Variants in LOXL2 observed in about 807,000 individuals in gnomAD.
LOXL2 encodes the protein lysyl oxidase homolog 2.
In LOXL2, 70 loss-of-function variants were observed where a neutral mutation model predicts 93.0. The ratio of observed to expected loss-of-function variants is 0.75; its 90% CI spans 0.62 to 0.92. The LOEUF (loss-of-function observed/expected upper bound fraction) is 0.92, where lower values mean the gene tolerates loss of function less well. Ranked by LOEUF, LOXL2 falls within the 40% of genes least tolerant of loss-of-function variation. LOXL2 has a pLI of 0.00. For missense variants in LOXL2, 973 were observed against 1,054.9 expected (o/e 0.92, Z 1.08); for synonymous variants, 438 against 413.2 (o/e 1.06, Z -0.73).
intron 1 of LOXL2, among the ~76,000 whole-genome samples, chr8:23,375,410 G>T (rs1804571587): frequency 6.6e-6 from 1 of 152,096 alleles, no homozygotes; most frequent in Non-Finnish European, 1.5e-5. Context: ...TTTGGCTTAG[G>T]ATTGACTTGG....
chr8:23,317,719 C>T (rs1180137730), intron 8 of LOXL2, among the ~76,000 whole-genome samples: 1 of 152,186 alleles, frequency 6.6e-6, no homozygotes, highest in Non-Finnish European at 1.5e-5. Flanking sequence ...TTATTTGGCC[C>T]CTTTGCTCTA....
At chr8:23,314,824 C>T (rs5006880) in intron 9 of LOXL2, among the ~76,000 whole-genome samples, 1 of 150,580 alleles carries the variant, frequency 6.6e-6, no homozygotes, top group Non-Finnish European at 1.5e-5. Flanking sequence ...ATAAATAAAA[C>T]GAAAAAAGAA....
Position 23,317,031 on chromosome 8 carries a change from C to CAGGGACAGCTCCGTT in LOXL2, c.1539_1553dup (p.Thr514_Leu518dup), listed in dbSNP as rs1306965661. Reference sequence around the variant, plus strand: ...CCTCCCCGTCGTGGCGGCAGTGCGCCAGGGACAGCTCCGTTCCCGAGCACT... The same window carrying CAGGGACAGCTCCGTT: ...CCTCCCCGTCGTGGCGGCAGTGCGCCAGGGACAGCTCCGTTAGGGACAGCTCCGTTCCCGAGCACT... On this transcript the variant is annotated inframe_insertion, in exon 9 of 14. Coordinates refer to ENST00000389131, the MANE Select transcript of LOXL2 (RefSeq NM_002318.3). 6.2e-7 allele frequency: 1 copy of CAGGGACAGCTCCGTT among 1,614,222 alleles called. No homozygotes were observed. Among genetic ancestry groups the CAGGGACAGCTCCGTT allele is most frequent in the South Asian group, 1.1e-5 (1 of 91,084 alleles).
chr8:23,387,895 G>A (rs1158283402), intron 1 of LOXL2, among the ~76,000 whole-genome samples: 1 of 152,150 alleles, frequency 6.6e-6, no homozygotes, highest in Non-Finnish European at 1.5e-5. Context: ...GGTTCAGTGA[G>A]CCGAGATCAC....
At chr8:23,385,157 C>G (rs1459037707) in intron 1 of LOXL2, among the ~76,000 whole-genome samples, 1 of 152,096 alleles carries the variant, frequency 6.6e-6, no homozygotes, top group African/African-American at 2.4e-5. Context: ...CGAACAGGAT[C>G]ACCTCTACTT....
chr8:23,343,698 C>T (rs2117184602), intron 3 of LOXL2, among the ~76,000 whole-genome samples: 1 of 152,330 alleles, frequency 6.6e-6, no homozygotes, highest in South Asian at 2.1e-4. Flanking sequence ...CTTTCCACCA[C>T]AGCAGAAGGA....
Position 23,348,461 on chromosome 8 carries a change from A to G in LOXL2, c.532-7258T>C, listed in dbSNP as rs892547012. ...GCACCTGCCCATAGTCCTAGCTCCC[A>G]GGAGGCTGAGGTGGGAGAATCACTT... On this transcript the variant is annotated intron_variant, in intron 3 of 13. Coordinates refer to ENST00000389131, the MANE Select transcript of LOXL2 (RefSeq NM_002318.3). Among the ~76,000 whole-genome samples the G allele has an allele frequency of 2.6e-5, 4 of 151,754 alleles. No individual in the cohort carries two copies. In the East Asian group the frequency reaches 5.8e-4, roughly 22 times the overall value.
At chr8:23,389,034 G>T (rs1804805967) in intron 1 of LOXL2, among the ~76,000 whole-genome samples, 1 of 152,176 alleles carries the variant, frequency 6.6e-6, no homozygotes, top group Admixed American at 6.5e-5. Flanking sequence ...GTCACCCTAA[G>T]AACTTTCTGC....
chr8:23,392,415 C>A (rs966730660), intron 1 of LOXL2, among the ~76,000 whole-genome samples: 18 of 152,186 alleles, frequency 1.2e-4, no homozygotes, highest in Non-Finnish European at 8.8e-5. Context: ...ATGTCATCCA[C>A]AGGGTAGTGG....
At chr8:23,299,176 C>T (rs1215523627) in intron 12 of LOXL2, among the ~76,000 whole-genome samples, 1 of 152,220 alleles carries the variant, frequency 6.6e-6, no homozygotes, top group Non-Finnish European at 1.5e-5. Flanking sequence ...TGTCCATATC[C>T]GTGTAACACA....
intron 9 of LOXL2, among the ~76,000 whole-genome samples, chr8:23,314,186 C>T (rs532318972): frequency 1.2e-4 from 18 of 152,062 alleles, no homozygotes; most frequent in South Asian, 1.0e-3. Flanking sequence ...CACTTTTACA[C>T]TGTTGGTGGG....
At chr8:23,395,433 G>A (rs548895208) in intron 1 of LOXL2, among the ~76,000 whole-genome samples, 88 of 152,140 alleles carry the variant, frequency 5.8e-4, no homozygotes, top group African/African-American at 2.0e-3. Flanking sequence ...GAGGATAGGC[G>A]GTGGTGGCTA....
intron 3 of LOXL2, among the ~76,000 whole-genome samples, chr8:23,348,738 A>G (rs577780249): frequency 3.3e-5 from 5 of 152,158 alleles, no homozygotes; most frequent in East Asian, 3.9e-4. Context: ...TTAGCTGGGC[A>G]TGGTGGCGGG....
intron 10 of LOXL2, among the ~76,000 whole-genome samples, chr8:23,305,726 A>G (rs906187850): frequency 3.3e-5 from 5 of 152,120 alleles, no homozygotes; most frequent in Non-Finnish European, 5.9e-5. Context: ...GGGGAGAGAG[A>G]GCCTGACACT....
In LOXL2 at chr8:23,361,014, C is replaced by A. The variant is rs1804281524; in HGVS notation, c.356-749G>T. On this transcript the variant is annotated intron_variant, in intron 2 of 13. Coordinates refer to ENST00000389131, the MANE Select transcript of LOXL2 (RefSeq NM_002318.3). Reference sequence around the variant, plus strand: ...CTCCCAGGTTCAAGTGATTCCCCTGCCTCAGCCTCCCAAGTAGCTGGGACG... The same window carrying A: ...CTCCCAGGTTCAAGTGATTCCCCTGACTCAGCCTCCCAAGTAGCTGGGACG... 2.0e-5 allele frequency among the ~76,000 whole-genome samples: 3 copies of A among 152,018 alleles called. No individual in the cohort carries two copies. The South Asian group carries it at 6.2e-4, about 32-fold the overall frequency.
At position 23,389,595 on chromosome 8, in the gene LOXL2, T is replaced by C. The variant is rs141658959; in HGVS notation, c.-84+14359A>G. ...CAATTGTTTTTATTGCCAATAGCAATAAAAATTCCTAGTCATGCACAGATA... is the reference window on the plus strand; with the variant it reads ...CAATTGTTTTTATTGCCAATAGCAACAAAAATTCCTAGTCATGCACAGATA... On this transcript the variant is annotated intron_variant, in intron 1 of 13. Coordinates refer to ENST00000389131, the MANE Select transcript of LOXL2 (RefSeq NM_002318.3). 9.8e-4 allele frequency among the ~76,000 whole-genome samples: 149 copies of C among 152,242 alleles called. 1 individual carries two copies. The highest frequency in any genetic ancestry group is 3.5e-3 in the African/African-American group (146 of 41,552).
At position 23,301,927 on chromosome 8, in the gene LOXL2, G is replaced by A. The variant is rs568345053; in HGVS notation, c.2133+100C>T. 5 of 1,461,144 alleles carry A rather than the reference G, an allele frequency of 3.4e-6. No individual in the cohort carries two copies. In the African/African-American group the frequency reaches 7.0e-5, roughly 20 times the overall value. The allele number at this position is 1,461,144 out of a possible 1,614,324, so 90.5% of individuals were successfully genotyped here. On this transcript the variant is annotated intron_variant, in intron 12 of 13. Transcript: ENST00000389131. ...TAGCACCTTGCCCTTTAGACAGCCT[G>A]ACTTCCATGCCCCTGTGTGGACACC...
At chr8:23,341,405 A>T in intron 3 of LOXL2, 1 of 596,742 alleles carries the variant, frequency 1.7e-6, no homozygotes, top group South Asian at 1.9e-5. Context: ...CATGGGAGAT[A>T]GTGAGGCTGA....
At chr8:23,396,319 A>AAAACAAACAAAC (rs71548892) in intron 1 of LOXL2, among the ~76,000 whole-genome samples, 34 of 150,538 alleles carry the variant, frequency 2.3e-4, no homozygotes, top group African/African-American at 4.4e-4. Context: ...CTCAGTCTCA[A>AAAACAAACAAAC]AAACAAACAA....
Sources: gnomAD v4.1 joint callset for allele counts (sites outside exome capture counted in the v4.1 genomes callset) on GRCh38, gnomAD v4.1.1 for gene constraint, MANE v1.5 for transcripts, NCBI Gene and HGNC (gene_info 2026-07-23, HGNC 2026-07-21) for gene names.